KCNK1: variants seen among roughly 807,000 people sequenced by gnomAD.
KCNK1 encodes potassium two pore domain channel subfamily K member 1, also known as potassium channel subfamily K member 1.
A neutral mutation model predicts 22.2 loss-of-function variants in KCNK1; 10 were observed. The observed-to-expected ratio is 0.45, with a 90% CI of 0.28 to 0.76. KCNK1 has a LOEUF of 0.76. Ranked by LOEUF, KCNK1 falls within the 30% of genes least tolerant of loss-of-function variation. The pLI, the probability that KCNK1 is intolerant of heterozygous loss-of-function variation, is 0.14. For synonymous variants in KCNK1, 200 were observed against 186.4 expected (o/e 1.07, Z -0.60); for missense variants, 378 against 421.0 (o/e 0.90, Z 0.89).
intron 1 of KCNK1, among the ~76,000 whole-genome samples, chr1:233,665,638 G>A (rs377129540): frequency 2.0e-5 from 3 of 152,260 alleles, no homozygotes; most frequent in African/African-American, 7.2e-5. Flanking sequence ...CCCTGGTCGG[G>A]GCCAGGCAAG....
intron 1 of KCNK1, among the ~76,000 whole-genome samples, chr1:233,646,684 C>T (rs1051604819): frequency 1.3e-5 from 2 of 152,070 alleles, no homozygotes. Context: ...AAAGAACCAA[C>T]ACGGGAAACA....
Position 233,619,172 on chromosome 1 carries a change from C to T in KCNK1, c.355+4646C>T, listed in dbSNP as rs372501004. On this transcript the variant is annotated intron_variant, in intron 1 of 2. Transcript: ENST00000366621. Reference sequence around the variant, plus strand: ...AGCTGGGACTACAGGCGCACACCACCGCACCTGGCCAATTTTTTTTTCATT... The same window carrying T: ...AGCTGGGACTACAGGCGCACACCACTGCACCTGGCCAATTTTTTTTTCATT... 7.9e-5 allele frequency among the ~76,000 whole-genome samples: 12 copies of T among 152,028 alleles called. No individual in the cohort carries two copies. In the East Asian group the frequency reaches 9.7e-4, roughly 12 times the overall value.
At chr1:233,659,295 C>T (rs1175174728) in intron 1 of KCNK1, among the ~76,000 whole-genome samples, 3 of 151,438 alleles carry the variant, frequency 2.0e-5, no homozygotes, top group Non-Finnish European at 4.4e-5. Flanking sequence ...ACATCTGTCC[C>T]ACTGGAAGGT....
At chr1:233,656,213 C>T (rs1381209979) in intron 1 of KCNK1, among the ~76,000 whole-genome samples, 4 of 152,178 alleles carry the variant, frequency 2.6e-5, no homozygotes, top group African/African-American at 9.7e-5. Flanking sequence ...AAGAGAGAGT[C>T]TCCGGTGTGA....
At chr1:233,645,489 A>G (rs1398803117) in intron 1 of KCNK1, among the ~76,000 whole-genome samples, 1 of 152,168 alleles carries the variant, frequency 6.6e-6, no homozygotes, top group Non-Finnish European at 1.5e-5. Context: ...AGAGGCAGAG[A>G]TTGGAGTTAT....
chr1:233,635,842 A>G (rs1274960656), intron 1 of KCNK1, among the ~76,000 whole-genome samples: 1 of 152,232 alleles, frequency 6.6e-6, no homozygotes, highest in Non-Finnish European at 1.5e-5. Flanking sequence ...TTTACATAAA[A>G]TAAGTGTTAA....
At chr1:233,642,416 G>T (rs1182983299) in intron 1 of KCNK1, among the ~76,000 whole-genome samples, 3 of 152,218 alleles carry the variant, frequency 2.0e-5, no homozygotes, top group Non-Finnish European at 4.4e-5. Flanking sequence ...ACAGACAGGG[G>T]ACAAGGGCAG....
intron 2 of KCNK1, 117 bp downstream of exon 2, chr1:233,667,107 G>A (rs777891515): frequency 1.4e-5 from 11 of 810,516 alleles, no homozygotes; most frequent in African/African-American, 1.8e-5. Flanking sequence ...GCAGTGGTGC[G>A]ATCTTGGCTC....
intron 1 of KCNK1, among the ~76,000 whole-genome samples, chr1:233,640,205 A>AT (rs528661793): frequency 0.017 from 2,511 of 150,766 alleles, 68 homozygotes; most frequent in African/African-American, 0.058. Flanking sequence ...TCCTCTGAGA[A>AT]TTTTTTTTTT....
At position 233,671,651 on chromosome 1, in the gene KCNK1, T is replaced by C; in HGVS notation, c.*121T>C. 1 of 1,123,464 alleles carries C rather than the reference T, an allele frequency of 8.9e-7. No individual in the cohort carries two copies. The highest frequency in any genetic ancestry group is 2.4e-5 in the East Asian group (1 of 41,546). 69.6% of individuals were successfully genotyped at this position (1,123,464 alleles called of 1,614,324 possible). The stretch of plus-strand genomic sequence containing the variant: ...TTATGTCACTTTAAGAAATAGCTAC[T>C]GTTTGCAATGTCTTATTAAAAAACA... On this transcript the variant is annotated 3_prime_UTR_variant, in exon 3 of 3. Transcript: ENST00000366621.
chr1:233,644,802 C>T (rs972173615), intron 1 of KCNK1, among the ~76,000 whole-genome samples: 5 of 152,052 alleles, frequency 3.3e-5, no homozygotes, highest in African/African-American at 9.7e-5. Context: ...AAGAGGTTGT[C>T]GGGGGCCAGA....
intron 1 of KCNK1, among the ~76,000 whole-genome samples, chr1:233,621,576 A>G (rs1010312818): frequency 6.6e-6 from 1 of 152,222 alleles, no homozygotes; most frequent in Non-Finnish European, 1.5e-5. Flanking sequence ...ATATCTCAAC[A>G]TGTTTCTACT....
intron 1 of KCNK1, among the ~76,000 whole-genome samples, chr1:233,614,842 G>A (rs1657458716): frequency 6.6e-6 from 1 of 152,182 alleles, no homozygotes; most frequent in African/African-American, 2.4e-5. Context: ...CGGCCTGGGT[G>A]GCTGCAGGTG....
At chr1:233,667,929 G>A (rs1658528790) in intron 2 of KCNK1, among the ~76,000 whole-genome samples, 1 of 152,038 alleles carries the variant, frequency 6.6e-6, no homozygotes, top group East Asian at 1.9e-4. Flanking sequence ...TGTCCATCTG[G>A]TTCTTTTTAG....
intron 1 of KCNK1, among the ~76,000 whole-genome samples, chr1:233,640,814 C>T (rs528606227): frequency 1.4e-4 from 22 of 152,298 alleles, no homozygotes; most frequent in South Asian, 1.2e-3. Context: ...AAGTGATTCT[C>T]AGGCCTCGGC....
chr1:233,624,746 C>A (rs1383572945), intron 1 of KCNK1, among the ~76,000 whole-genome samples: 4 of 152,110 alleles, frequency 2.6e-5, no homozygotes. Context: ...ACAATGATAT[C>A]TGGGGGGCCT....
chr1:233,638,051 G>C (rs1240835679), intron 1 of KCNK1, among the ~76,000 whole-genome samples: 4 of 148,968 alleles, frequency 2.7e-5, no homozygotes, highest in African/African-American at 4.9e-5. Context: ...ATTTATTTTT[G>C]TTATGTTGTT....
intron 1 of KCNK1, among the ~76,000 whole-genome samples, chr1:233,648,291 A>G (rs1344395926): frequency 6.6e-6 from 1 of 152,192 alleles, no homozygotes; most frequent in Non-Finnish European, 1.5e-5. Flanking sequence ...CCAAGCCGCA[A>G]CTTTTTAACT....
intron 1 of KCNK1, among the ~76,000 whole-genome samples, chr1:233,652,060 A>G (rs1571900540): frequency 6.6e-6 from 1 of 152,202 alleles, no homozygotes; most frequent in East Asian, 1.9e-4. Context: ...AGAGGCCACC[A>G]TGAGTTAAAA....
Sources: gnomAD v4.1 joint callset for allele counts (sites outside exome capture counted in the v4.1 genomes callset) on GRCh38, gnomAD v4.1.1 for gene constraint, MANE v1.5 for transcripts, NCBI Gene and HGNC (gene_info 2026-07-23, HGNC 2026-07-21) for gene names.